TSHZ3: variants seen among roughly 807,000 people sequenced by gnomAD.
The protein encoded by TSHZ3 is teashirt zinc finger homeobox 3.
Under a neutral mutation model 64.5 loss-of-function variants are expected in TSHZ3, and 10 were observed. The observed-to-expected ratio is 0.16, with a 90% CI of 0.10 to 0.26. The LOEUF is 0.26. TSHZ3 is among the 10% of genes least tolerant of loss of function. The probability of loss-of-function intolerance (pLI) is 1.00; values close to 1 mark genes in which losing one functional copy is unlikely to be tolerated. For synonymous variants in TSHZ3, 608 were observed against 593.1 expected, an observed-to-expected ratio of 1.03 and a Z score of -0.36; for missense variants, 1,242 against 1,421.7, an observed-to-expected ratio of 0.87 and a Z score of 2.03.
exon 7 of TSHZ3, among the ~76,000 whole-genome samples, chr19:31,151,617 TC>T (rs1262716943): frequency 6.6e-6 from 1 of 152,188 alleles, no homozygotes; most frequent in African/African-American, 2.4e-5. Context: ...GATCCCAGCA[TC>T]CCCCTTTGCA....
chr19:31,155,916 TAATA>T (rs1348249252), intron 6 of TSHZ3, among the ~76,000 whole-genome samples: 2 of 152,226 alleles, frequency 1.3e-5, no homozygotes, highest in African/African-American at 4.8e-5. Flanking sequence ...CCATTGGGAA[TAATA>T]AATACTTTGT....
chr19:31,204,328 CT>C (rs1975132167), intron 5 of TSHZ3, among the ~76,000 whole-genome samples: 1 of 150,314 alleles, frequency 6.7e-6, no homozygotes, highest in African/African-American at 2.5e-5. Context: ...CCTTTTCTTT[CT>C]TTCCCTTTCC....
chr19:31,349,959 T>A (rs1030908887), upstream of TSHZ3, among the ~76,000 whole-genome samples: 4 of 87,128 alleles, frequency 4.6e-5, no homozygotes, highest in African/African-American at 1.8e-4. Context: ...GCGAAAGGGG[T>A]GCCGCCCCTC....
At chr19:31,190,603 A>T (rs1262770229) in intron 5 of TSHZ3, among the ~76,000 whole-genome samples, 1 of 152,020 alleles carries the variant, frequency 6.6e-6, no homozygotes, top group Non-Finnish European at 1.5e-5. Flanking sequence ...GGCAAAATAT[A>T]TTCTCAACTA....
Position 31,277,534 on chromosome 19 carries a change from C to A in TSHZ3, c.2259G>T (p.Met753Ile). 3 of 1,601,342 alleles carry A rather than the reference C, an allele frequency of 1.9e-6. No homozygotes were observed. Among genetic ancestry groups the A allele is most frequent in the Non-Finnish European group, 8.5e-7 (1 of 1,172,530 alleles). ...CAGCCTTCTCCGCCAGGCTGTTGCTCATCTTGAAAAGCATGCTCATGGGGT... is the reference window on the plus strand; with the variant it reads ...CAGCCTTCTCCGCCAGGCTGTTGCTAATCTTGAAAAGCATGCTCATGGGGT... ...ALDPMSMLFK[M>I]SNSLAEKAAV... Residue 753 changes from methionine to isoleucine, a missense_variant, in exon 2 of 2, where the codon ATG becomes ATT. By Grantham distance (10) the Met-to-Ile change is conservative. Around this residue, in one of 4 missense-constraint regions of TSHZ3, gnomAD observed 550 missense variants for 545.1 expected, o/e 1.01. Transcript: ENST00000240587. This position sits in a 1 kb window ranked among gnomAD's most constrained non-coding sequence, Gnocchi z 4.5.
intron 1 of TSHZ3, among the ~76,000 whole-genome samples, chr19:31,339,813 G>C (rs982677226): frequency 6.6e-6 from 1 of 151,668 alleles, no homozygotes; most frequent in Non-Finnish European, 1.5e-5. Context: ...AAAAGGGGGG[G>C]GCGTTCTGCT....
At chr19:31,267,772 C>A (rs1376012214) in intron 1 of TSHZ3, among the ~76,000 whole-genome samples, 1 of 152,200 alleles carries the variant, frequency 6.6e-6, no homozygotes, top group African/African-American at 2.4e-5. Context: ...AGAGCACCTT[C>A]TCCTTTGGGA....
At chr19:31,233,139 G>A (rs1428853892) in intron 3 of TSHZ3, among the ~76,000 whole-genome samples, 2 of 152,122 alleles carry the variant, frequency 1.3e-5, no homozygotes, top group African/African-American at 2.4e-5. Flanking sequence ...CCATAAAGCC[G>A]CCAGACAGTT....
intron 3 of TSHZ3, among the ~76,000 whole-genome samples, chr19:31,236,030 C>CGTAT (rs1362938803): frequency 6.6e-6 from 1 of 152,078 alleles, no homozygotes; most frequent in African/African-American, 2.4e-5. Context: ...CATGTGTCAA[C>CGTAT]GTATGTATGC....
At chr19:31,232,627 C>T (rs1220048922) in intron 3 of TSHZ3, among the ~76,000 whole-genome samples, 3 of 152,236 alleles carry the variant, frequency 2.0e-5, no homozygotes, top group African/African-American at 7.2e-5. Flanking sequence ...AAAGTACACA[C>T]TCATGCAACC....
At chr19:31,222,726 T>C (rs954014508) in intron 4 of TSHZ3, among the ~76,000 whole-genome samples, 1 of 152,152 alleles carries the variant, frequency 6.6e-6, no homozygotes, top group Non-Finnish European at 1.5e-5. Context: ...TGGAGTTAAT[T>C]TGAATTATTG....
At chr19:31,258,884 G>A (rs1975948696) in intron 1 of TSHZ3, among the ~76,000 whole-genome samples, 1 of 152,148 alleles carries the variant, frequency 6.6e-6, no homozygotes, top group South Asian at 2.1e-4. Flanking sequence ...ATTCCTCTAG[G>A]CACCATCACA....
intron 1 of TSHZ3, among the ~76,000 whole-genome samples, chr19:31,294,874 T>C (rs1381912496): frequency 1.3e-5 from 2 of 152,150 alleles, no homozygotes; most frequent in Admixed American, 1.3e-4. Flanking sequence ...AATATAATAA[T>C]GAGAACAGCA....
intron 1 of TSHZ3, among the ~76,000 whole-genome samples, chr19:31,282,532 T>A (rs1180013866): frequency 6.6e-6 from 1 of 151,878 alleles, no homozygotes; most frequent in Non-Finnish European, 1.5e-5. Flanking sequence ...GGGCAATGCA[T>A]CTCCCCATGG....
At chr19:31,273,967 T>C (rs952771769), downstream of TSHZ3, among the ~76,000 whole-genome samples, 3 of 152,088 alleles carry the variant, frequency 2.0e-5, no homozygotes, top group South Asian at 2.1e-4. Flanking sequence ...TTTTAAATTG[T>C]AGTGAGTTTC....
At chr19:31,311,278 G>A (rs1916450958) in intron 1 of TSHZ3, among the ~76,000 whole-genome samples, 1 of 152,208 alleles carries the variant, frequency 6.6e-6, no homozygotes, top group Non-Finnish European at 1.5e-5. Flanking sequence ...TTTGGTTGTG[G>A]ATTTATTCAT....
chr19:31,296,462 G>GT (rs1312574885), intron 1 of TSHZ3, among the ~76,000 whole-genome samples: 1 of 150,958 alleles, frequency 6.6e-6, no homozygotes, highest in African/African-American at 2.4e-5. Context: ...AGCCTCCCGA[G>GT]TAGCTGGGAT....
At chr19:31,152,333 G>GT (rs953275808) in intron 6 of TSHZ3, among the ~76,000 whole-genome samples, 6 of 151,762 alleles carry the variant, frequency 4.0e-5, no homozygotes, top group Non-Finnish European at 7.4e-5. Flanking sequence ...AGGTGCTTCT[G>GT]TTTTTTGTCA....
intron 5 of TSHZ3, among the ~76,000 whole-genome samples, chr19:31,159,551 G>C (rs568235849): frequency 6.6e-5 from 10 of 152,270 alleles, no homozygotes; most frequent in East Asian, 3.9e-4. Context: ...ATAAGAAAAT[G>C]TAAAGTTGTC....
Sources: gnomAD v4.1 joint callset for allele counts (sites outside exome capture counted in the v4.1 genomes callset) on GRCh38, gnomAD v4.1.1 for gene constraint, gnomAD v4.1.1 regional missense constraint, Gnocchi (gnomAD v3.1) non-coding constraint, MANE v1.5 for transcripts, NCBI Gene and HGNC (gene_info 2026-07-23, HGNC 2026-07-21) for gene names.